Variants in ERBB4 observed in about 807,000 individuals in gnomAD.
ERBB4 encodes receptor tyrosine-protein kinase erbB-4.
In ERBB4, 42 loss-of-function variants were observed where a neutral mutation model predicts 158.0. The observed-to-expected ratio is 0.27, with a 90% confidence interval of 0.21 to 0.34. The LOEUF is 0.34. ERBB4 is among the 10% of genes least tolerant of loss of function. The probability of loss-of-function intolerance (pLI) is 1.00; values close to 1 mark genes in which losing one functional copy is unlikely to be tolerated. For missense variants in ERBB4, 1,333 were observed against 1,624.1 expected (o/e 0.82, Z 3.08); for synonymous variants, 583 against 558.7 (o/e 1.04, Z -0.61).
chr2:212,003,195 A>AAGAAAG (rs2076166098), intron 2 of ERBB4, among the ~76,000 whole-genome samples: 1 of 67,102 alleles, frequency 1.5e-5, no homozygotes, highest in Non-Finnish European at 3.8e-5. Context: ...GAAAGAAAGA[A>AAGAAAG]AGAAAGAAAG....
intron 3 of ERBB4, among the ~76,000 whole-genome samples, chr2:211,920,825 A>G (rs1440569532): frequency 6.6e-6 from 1 of 151,690 alleles, no homozygotes; most frequent in Admixed American, 6.6e-5. Flanking sequence ...GTGATATGCA[A>G]TTAGAGAGTC....
intron 3 of ERBB4, among the ~76,000 whole-genome samples, chr2:211,858,295 G>A (rs1012372471): frequency 6.6e-6 from 1 of 152,136 alleles, no homozygotes; most frequent in Admixed American, 6.5e-5. Context: ...TTGGAAGACT[G>A]CACAGTACCC....
chr2:211,836,383 A>T (rs1446611654), intron 3 of ERBB4, among the ~76,000 whole-genome samples: 1 of 152,096 alleles, frequency 6.6e-6, no homozygotes, highest in Non-Finnish European at 1.5e-5. Context: ...ACTTCCTCCC[A>T]TGAAGGGTTA....
chr2:212,161,187 G>A (rs1023058243), intron 1 of ERBB4, among the ~76,000 whole-genome samples: 1 of 151,826 alleles, frequency 6.6e-6, no homozygotes, highest in African/African-American at 2.4e-5. Context: ...ACACAATTGA[G>A]ATCAGATCAA....
chr2:211,569,113 G>A (rs1247551301), intron 19 of ERBB4, among the ~76,000 whole-genome samples: 2 of 152,088 alleles, frequency 1.3e-5, no homozygotes, highest in East Asian at 1.9e-4. Flanking sequence ...AATCAGATCA[G>A]GACTCTTCTA....
intron 3 of ERBB4, among the ~76,000 whole-genome samples, chr2:211,918,308 ATG>A (rs1328865308): frequency 2.0e-5 from 3 of 152,326 alleles, no homozygotes; most frequent in African/African-American, 7.2e-5. Context: ...GAACTATAAA[ATG>A]TAAAATATTT....
At chr2:212,398,517 T>C (rs1232932529) in intron 1 of ERBB4, among the ~76,000 whole-genome samples, 1 of 152,168 alleles carries the variant, frequency 6.6e-6, no homozygotes, top group Non-Finnish European at 1.5e-5. Context: ...GTAATGTTAA[T>C]TAAATTTTAT....
At chr2:211,656,294 A>G (rs2071213689) in intron 16 of ERBB4, among the ~76,000 whole-genome samples, 1 of 151,774 alleles carries the variant, frequency 6.6e-6, no homozygotes, top group Non-Finnish European at 1.5e-5. Context: ...CTTTCACACT[A>G]TATACGCTTC....
chr2:211,990,523 A>AAAATAAAT (rs199775547), intron 2 of ERBB4, among the ~76,000 whole-genome samples: 2,321 of 134,402 alleles, frequency 0.017, 26 homozygotes, highest in Non-Finnish European at 0.023. Context: ...AATAAAAATA[A>AAAATAAAT]AAATAAATAA....
intron 5 of ERBB4, among the ~76,000 whole-genome samples, chr2:211,730,489 C>T (rs908166164): frequency 6.6e-6 from 1 of 151,978 alleles, no homozygotes; most frequent in African/African-American, 2.4e-5. Flanking sequence ...TGTCTTCTCT[C>T]CTTCAGTGCC....
At position 212,519,692 on chromosome 2, in the gene ERBB4, A is replaced by C. The variant is rs932086734; in HGVS notation, c.82+18757T>G. Among the ~76,000 whole-genome samples the C allele has an allele frequency of 4.6e-5, 7 of 151,962 alleles. 1 individual carries two copies. The highest frequency in any genetic ancestry group is 1.7e-4 in the African/African-American group (7 of 41,424). ...TAAGAGAAATAACTTAGGCACAGAA[A>C]GGTAAATACAAGGAGCTAAAAAAAT... On this transcript the variant is annotated intron_variant, in intron 1 of 27. Coordinates refer to ENST00000342788, the MANE Select transcript of ERBB4 (RefSeq NM_005235.3).
chr2:212,243,446 A>G (rs1278551102), intron 1 of ERBB4, among the ~76,000 whole-genome samples: 1 of 140,440 alleles, frequency 7.1e-6, no homozygotes, highest in Non-Finnish European at 1.6e-5. Flanking sequence ...CATATAAAGA[A>G]AAAGAAAAGC....
intron 1 of ERBB4, among the ~76,000 whole-genome samples, chr2:212,503,538 A>C (rs1691017976): frequency 6.6e-6 from 1 of 152,174 alleles, no homozygotes; most frequent in Non-Finnish European, 1.5e-5. Context: ...TTTTGTTACC[A>C]AATTCAGGTG....
intron 5 of ERBB4, among the ~76,000 whole-genome samples, chr2:211,739,211 A>G (rs1207769066): frequency 2.0e-5 from 3 of 152,024 alleles, no homozygotes; most frequent in Non-Finnish European, 4.4e-5. Context: ...ATCTTATTCC[A>G]TAAGTGAGCC....
intron 1 of ERBB4, among the ~76,000 whole-genome samples, chr2:212,434,503 G>A (rs1433664115): frequency 6.6e-6 from 1 of 151,752 alleles, no homozygotes; most frequent in Non-Finnish European, 1.5e-5. Context: ...GGTGGTCTTT[G>A]GGGTAAGAGT....
At chr2:212,257,902 A>G (rs1000233829) in intron 1 of ERBB4, among the ~76,000 whole-genome samples, 4 of 152,168 alleles carry the variant, frequency 2.6e-5, no homozygotes, top group Non-Finnish European at 5.9e-5. Flanking sequence ...TTGTCAGTCA[A>G]TAAAAACGGT....
intron 12 of ERBB4, among the ~76,000 whole-genome samples, chr2:211,687,574 G>GTGTT (rs75530558): frequency 0.39 from 59,541 of 151,758 alleles, 12,371 homozygotes; most frequent in Middle Eastern, 0.5. Flanking sequence ...TTTTTCTGTG[G>GTGTT]TGTTTGGCTG....
intron 1 of ERBB4, among the ~76,000 whole-genome samples, chr2:212,373,787 A>ATATATAT (rs1560145061): frequency 0.025 from 2,394 of 95,880 alleles, 121 homozygotes; most frequent in South Asian, 0.044. Flanking sequence ...GTATATATCC[A>ATATATAT]CGTATATATA....
At chr2:211,475,709 C>T (rs1365995898) in intron 20 of ERBB4, among the ~76,000 whole-genome samples, 1 of 151,978 alleles carries the variant, frequency 6.6e-6, no homozygotes, top group East Asian at 1.9e-4. Flanking sequence ...TGGACTAGAC[C>T]TAAGCAGAAA....
Sources: gnomAD v4.1 joint callset for allele counts (sites outside exome capture counted in the v4.1 genomes callset) on GRCh38, gnomAD v4.1.1 for gene constraint, MANE v1.5 for transcripts, NCBI Gene and HGNC (gene_info 2026-07-23, HGNC 2026-07-21) for gene names.